The following CHD2 variants were observed in gnomAD, a reference collection of about 807,000 sequenced individuals.
CHD2 encodes ATP-dependent chromatin remodeler CHD2.
In CHD2, 28 loss-of-function variants were observed where a neutral mutation model predicts 243.9. That is an observed-to-expected ratio of 0.11 (90% CI 0.09 to 0.16). The LOEUF (loss-of-function observed/expected upper bound fraction) is 0.16, where lower values mean the gene tolerates loss of function less well. CHD2 is among the 10% of genes least tolerant of loss of function. The pLI, the probability that CHD2 is intolerant of heterozygous loss-of-function variation, is 1.00. For synonymous variants in CHD2, 775 were observed against 779.0 expected (o/e 0.99, Z 0.09); for missense variants, 1,386 against 2,209.8 (o/e 0.63, Z 7.47).
chr15:92,975,645 T>C (rs559940818), intron 20 of CHD2, among the ~76,000 whole-genome samples: 6 of 152,082 alleles, frequency 3.9e-5, no homozygotes, highest in Admixed American at 3.3e-4. Context: ...AGAATGCTAA[T>C]TTCTGGAGCC....
rs939340797 is a variant in CHD2 at position 92,933,060 on chromosome 15, T to G, written c.443+3969T>G. ...CCCGGCCCCTTTTTTTTTTTTTTTT[T>G]AAGTTAAAGAGACAGGGTCTTCCTC... On this transcript the variant is annotated intron_variant, in intron 5 of 38. Coordinates refer to ENST00000394196, the MANE Select transcript of CHD2 (RefSeq NM_001271.4). 2.7e-5 allele frequency among the ~76,000 whole-genome samples: 4 copies of G among 146,854 alleles called. No homozygotes were observed. In the Admixed American group the frequency reaches 2.7e-4, roughly 10 times the overall value.
intron 17 of CHD2, among the ~76,000 whole-genome samples, 162 bp downstream of exon 17, chr15:92,967,675 G>A (rs1263073148): frequency 2.0e-5 from 3 of 150,746 alleles, no homozygotes; most frequent in Middle Eastern, 3.4e-3. Flanking sequence ...ACAGGGATGC[G>A]CCACCACGCC....
chr15:92,948,404 ATGT>A (rs1363930360), intron 12 of CHD2, among the ~76,000 whole-genome samples: 1 of 152,170 alleles, frequency 6.6e-6, no homozygotes, highest in Non-Finnish European at 1.5e-5. Context: ...CTATTTAATG[ATGT>A]TCATAGATTT....
intron 20 of CHD2, among the ~76,000 whole-genome samples, chr15:92,977,609 T>C (rs1534779): frequency 0.23 from 34,474 of 152,042 alleles, 4,341 homozygotes; most frequent in Middle Eastern, 0.32. Context: ...TCTACTGTCA[T>C]TGCTGTGGAT....
chr15:92,979,378 T>C, intron 22 of CHD2, 95 bp downstream of exon 22: 1 of 1,424,660 alleles, frequency 7.0e-7, no homozygotes, highest in South Asian at 1.4e-5. Context: ...CATTAGTCTG[T>C]TCATTACCTG....
chr15:92,970,515 A>AT (rs1393343642), intron 17 of CHD2, among the ~76,000 whole-genome samples: 1 of 152,060 alleles, frequency 6.6e-6, no homozygotes. Context: ...AATTATTATT[A>AT]TTTTTTAACA....
intron 17 of CHD2, 47 bp downstream of exon 17, chr15:92,967,560 A>G (rs371693012): frequency 1.7e-5 from 24 of 1,423,536 alleles, no homozygotes; most frequent in African/African-American, 4.3e-5. Context: ...GATCAGTACC[A>G]TGAAACTATT....
chr15:92,923,869 G>A (rs2053007826), intron 2 of CHD2, among the ~76,000 whole-genome samples: 1 of 151,990 alleles, frequency 6.6e-6, no homozygotes, highest in Admixed American at 6.6e-5. Context: ...CGGCCTGCTT[G>A]GTTTGGTTTT....
At chr15:93,020,287 G>A (rs765912621) in intron 38 of CHD2, 29 bp downstream of exon 38, 24 of 1,613,522 alleles carry the variant, frequency 1.5e-5, no homozygotes, top group Non-Finnish European at 1.9e-5. Flanking sequence ...GACACCAGGT[G>A]CCAACCTTTG....
At chr15:93,018,046 G>A (rs1395513933) in intron 37 of CHD2, among the ~76,000 whole-genome samples, 1 of 152,120 alleles carries the variant, frequency 6.6e-6, no homozygotes, top group African/African-American at 2.4e-5. Flanking sequence ...ACCTCACAGA[G>A]GGTTTAAGAA....
chr15:92,930,935 G>C (rs185829084), intron 5 of CHD2, among the ~76,000 whole-genome samples: 121 of 152,216 alleles, frequency 7.9e-4, no homozygotes, highest in African/African-American at 2.7e-3. Context: ...GCTAGCCTTC[G>C]TTTCTGCTAT....
intron 36 of CHD2, among the ~76,000 whole-genome samples, chr15:93,012,739 G>A (rs1258759279): frequency 3.3e-5 from 5 of 152,068 alleles, no homozygotes; most frequent in African/African-American, 4.8e-5. Flanking sequence ...TTATAAATGT[G>A]GCTCCTAGGA....
At chr15:92,916,319 TTCA>T (rs2052834794) in intron 2 of CHD2, among the ~76,000 whole-genome samples, 1 of 152,234 alleles carries the variant, frequency 6.6e-6, no homozygotes, top group Non-Finnish European at 1.5e-5. Flanking sequence ...TGAGCTCTGT[TTCA>T]GATACTTTTG....
intron 33 of CHD2, among the ~76,000 whole-genome samples, chr15:93,002,575 A>G (rs1298726447): frequency 6.6e-6 from 1 of 152,210 alleles, no homozygotes; most frequent in Admixed American, 6.5e-5. Flanking sequence ...AAATGTTTGA[A>G]TGAGATAGGA....
chr15:92,919,185 G>A (rs1460768071), intron 2 of CHD2, among the ~76,000 whole-genome samples: 4 of 151,362 alleles, frequency 2.6e-5, no homozygotes, highest in African/African-American at 7.3e-5. Flanking sequence ...TTTTTGAGAC[G>A]GAGTCTGGCT....
intron 10 of CHD2, 106 bp downstream of exon 10, chr15:92,944,621 C>T (rs1001352691): frequency 5.3e-5 from 26 of 486,840 alleles, no homozygotes; most frequent in African/African-American, 2.5e-4. Context: ...AGACTAGACA[C>T]GTGCTAGGTT....
At chr15:92,964,408 G>A (rs2053728856) in intron 16 of CHD2, among the ~76,000 whole-genome samples, 1 of 152,136 alleles carries the variant, frequency 6.6e-6, no homozygotes, top group African/African-American at 2.4e-5. Flanking sequence ...GAAGTATTTT[G>A]CCTCATCCTC....
chr15:92,986,103 G>A (rs2054039100), intron 26 of CHD2, among the ~76,000 whole-genome samples: 1 of 152,072 alleles, frequency 6.6e-6, no homozygotes, highest in Non-Finnish European at 1.5e-5. Context: ...GTTTGCTAGT[G>A]GTTTGCTTTG....
Position 92,924,465 on chromosome 15 carries a change from A to G in CHD2, c.207A>G (p.Glu69=), listed in dbSNP as rs982063319. The change falls in exon 3 of 39, where the codon GAA becomes GAG. Residue 69 remains glutamate (E), a synonymous_variant. Coordinates refer to ENST00000394196, the MANE Select transcript of CHD2 (RefSeq NM_001271.4). ...SSESQSESES[E]SAGSKSQPVL... ...AGAGTCAGTCGGAATCTGAGAGCGA[A>G]TCAGCAGGTTCCAAATCCCAGCCAG... 6.2e-7 allele frequency: 1 copy of G among 1,614,146 alleles called. No homozygotes were observed. Among genetic ancestry groups the G allele is most frequent in the Non-Finnish European group, 8.5e-7 (1 of 1,180,014 alleles).
Sources: allele counts gnomAD v4.1 joint callset (sites outside exome capture counted in the v4.1 genomes callset), GRCh38; gene constraint gnomAD v4.1.1; transcripts MANE v1.5; gene names NCBI Gene and HGNC (gene_info 2026-07-23, HGNC 2026-07-21).